Variants in PRKG1 observed in about 807,000 individuals in gnomAD.
PRKG1 encodes protein kinase cGMP-dependent 1.
A neutral mutation model predicts 88.1 loss-of-function variants in PRKG1; 35 were observed. That is an observed-to-expected ratio of 0.40 (90% confidence interval 0.30 to 0.53). The LOEUF (loss-of-function observed/expected upper bound fraction) is 0.53, where lower values mean the gene tolerates loss of function less well. PRKG1 is among the 20% of genes least tolerant of loss of function. The pLI is 0.59. For missense variants in PRKG1, 540 were observed against 839.8 expected (o/e 0.64, Z 4.41); for synonymous variants, 303 against 292.5 (o/e 1.04, Z -0.37).
At chr10:51,375,288 A>G (rs1452987032) in intron 2 of PRKG1, among the ~76,000 whole-genome samples, 1 of 152,182 alleles carries the variant, frequency 6.6e-6, no homozygotes, top group East Asian at 1.9e-4. Context: ...GGTCATTAGG[A>G]ATATTACATA....
chr10:52,248,917 T>G (rs544627317), intron 9 of PRKG1, among the ~76,000 whole-genome samples: 1 of 150,890 alleles, frequency 6.6e-6, no homozygotes, highest in African/African-American at 2.4e-5. Context: ...TTTCTTTCCT[T>G]TCTTTTCTTT....
intron 2 of PRKG1, among the ~76,000 whole-genome samples, chr10:51,343,534 T>C (rs1252969904): frequency 6.6e-6 from 1 of 152,154 alleles, no homozygotes; most frequent in Non-Finnish European, 1.5e-5. Flanking sequence ...TTATTTGGTA[T>C]AAAAAGCATA....
chr10:51,799,121 A>C, intron 3 of PRKG1, among the ~76,000 whole-genome samples: 1 of 151,696 alleles, frequency 6.6e-6, no homozygotes, highest in African/African-American at 2.4e-5. Context: ...CTCTGTCTCT[A>C]TTTCTGACTC....
At chr10:51,258,281 C>T (rs1465531550) in intron 2 of PRKG1, among the ~76,000 whole-genome samples, 1 of 152,094 alleles carries the variant, frequency 6.6e-6, no homozygotes, top group African/African-American at 2.4e-5. Flanking sequence ...AAAGTCGAGA[C>T]TGTAGTAAAA....
intron 2 of PRKG1, among the ~76,000 whole-genome samples, chr10:51,459,459 A>G (rs1179586067): frequency 3.3e-5 from 5 of 152,050 alleles, no homozygotes; most frequent in African/African-American, 1.2e-4. Flanking sequence ...ACCATGACCT[A>G]GAGGCCTGCT....
intron 3 of PRKG1, among the ~76,000 whole-genome samples, chr10:51,472,817 G>A (rs543538570): frequency 6.6e-6 from 1 of 152,074 alleles, no homozygotes; most frequent in South Asian, 2.1e-4. Flanking sequence ...GAGCAGAAGA[G>A]ATAACTGGGC....
chr10:52,273,884 T>C (rs1027558953), intron 12 of PRKG1, among the ~76,000 whole-genome samples: 1 of 152,098 alleles, frequency 6.6e-6, no homozygotes, highest in Non-Finnish European at 1.5e-5. Flanking sequence ...AGATGGGGTC[T>C]CTCTCCTCAG....
chr10:51,272,372 G>A (rs762226714), intron 2 of PRKG1, among the ~76,000 whole-genome samples: 2 of 152,120 alleles, frequency 1.3e-5, no homozygotes, highest in Non-Finnish European at 2.9e-5. Context: ...GGGGGGCTAG[G>A]GGAGGGATAG....
chr10:51,915,813 A>G lies in PRKG1; in HGVS notation c.762+8243A>G, dbSNP rs960499490. ...AAGCACTTGAATAGACCTTTCTCCA[A>G]AGAAGATACACAAAAGTCCTATAAG... is the stretch of plus-strand genomic sequence containing the variant. On this transcript the variant is annotated intron_variant, in intron 5 of 17. Transcript: ENST00000373980. Among the ~76,000 whole-genome samples, 6 of 152,298 alleles carry G rather than the reference A, an allele frequency of 3.9e-5. No individual in the cohort carries two copies. The South Asian group carries it at 1.2e-3, about 32-fold the overall frequency.
chr10:51,265,039 A>T, intron 2 of PRKG1, among the ~76,000 whole-genome samples: 1 of 152,164 alleles, frequency 6.6e-6, no homozygotes, highest in Non-Finnish European at 1.5e-5. Flanking sequence ...CACAGGTTTC[A>T]GATAATGAGG....
intron 5 of PRKG1, among the ~76,000 whole-genome samples, chr10:52,030,760 A>C (rs1845455574): frequency 6.6e-6 from 1 of 152,214 alleles, no homozygotes; most frequent in Admixed American, 6.5e-5. Flanking sequence ...ACTCCAGGTC[A>C]ATTTGAAAAA....
At chr10:51,037,312 A>AT (rs1373537448) in intron 1 of PRKG1, among the ~76,000 whole-genome samples, 9 of 151,968 alleles carry the variant, frequency 5.9e-5, no homozygotes, top group Admixed American at 5.9e-4. Flanking sequence ...AAATAAAAAA[A>AT]TAAAAAATTA....
At chr10:51,989,439 A>G (rs758853873) in intron 5 of PRKG1, among the ~76,000 whole-genome samples, 22 of 152,034 alleles carry the variant, frequency 1.4e-4, no homozygotes, top group Non-Finnish European at 2.5e-4. Context: ...GAAATCATGT[A>G]ATAATTCAAG....
At chr10:52,106,113 C>G (rs1007382729) in intron 7 of PRKG1, among the ~76,000 whole-genome samples, 1 of 152,180 alleles carries the variant, frequency 6.6e-6, no homozygotes, top group African/African-American at 2.4e-5. Context: ...AAATAATAGT[C>G]TCCAACTCCA....
chr10:52,162,831 A>G (rs1378546070), intron 9 of PRKG1, among the ~76,000 whole-genome samples: 3 of 152,214 alleles, frequency 2.0e-5, no homozygotes, highest in Non-Finnish European at 4.4e-5. Flanking sequence ...ATATGAAAAT[A>G]TTCACAATTT....
chr10:51,522,525 G>A (rs1198930115), intron 3 of PRKG1, among the ~76,000 whole-genome samples: 1 of 152,084 alleles, frequency 6.6e-6, no homozygotes. Flanking sequence ...AATTTTGTGT[G>A]GCCTTTGCTA....
intron 2 of PRKG1, among the ~76,000 whole-genome samples, chr10:51,228,745 T>A (rs933743457): frequency 1.3e-5 from 2 of 152,208 alleles, no homozygotes; most frequent in African/African-American, 4.8e-5. Context: ...AATTAAGTAA[T>A]CATTTTCCTC....
chr10:51,210,167 A>C (rs1838174945), intron 2 of PRKG1, among the ~76,000 whole-genome samples: 1 of 152,222 alleles, frequency 6.6e-6, no homozygotes, highest in African/African-American at 2.4e-5. Flanking sequence ...AAACTCACTC[A>C]AAACCACTCA....
At chr10:52,039,364 G>T (rs1845699656) in intron 5 of PRKG1, among the ~76,000 whole-genome samples, 1 of 152,106 alleles carries the variant, frequency 6.6e-6, no homozygotes, top group African/African-American at 2.4e-5. Flanking sequence ...GCCAGGAAAA[G>T]GACTTTCACA....
Sources: allele counts gnomAD v4.1 joint callset (sites outside exome capture counted in the v4.1 genomes callset), GRCh38; gene constraint gnomAD v4.1.1; transcripts MANE v1.5; gene names NCBI Gene and HGNC (gene_info 2026-07-23, HGNC 2026-07-21).